Variants in WDPCP observed in about 807,000 individuals in gnomAD.
The protein encoded by WDPCP is WD repeat containing planar cell polarity effector, also known as WD repeat-containing and planar cell polarity effector protein fritz homolog.
WDPCP carries 71 observed loss-of-function variants against 93.1 expected under a neutral mutation model. The observed-to-expected ratio is 0.76, with a 90% CI of 0.63 to 0.93. WDPCP has a LOEUF of 0.93. WDPCP is among the 40% of genes least tolerant of loss of function. The pLI is 0.00. For synonymous variants in WDPCP, 315 were observed against 315.0 expected (o/e 1.00, Z 0.00); for missense variants, 844 against 887.4 (o/e 0.95, Z 0.62).
At chr2:63,263,089 T>C (rs1681784356) in intron 13 of WDPCP, among the ~76,000 whole-genome samples, 1 of 152,244 alleles carries the variant, frequency 6.6e-6, no homozygotes, top group Non-Finnish European at 1.5e-5. Context: ...AGTATATCTC[T>C]ATAATTCCAT....
At chr2:63,501,215 ACTAT>A (rs954248326) in intron 1 of WDPCP, among the ~76,000 whole-genome samples, 14 of 152,366 alleles carry the variant, frequency 9.2e-5, no homozygotes, top group African/African-American at 2.9e-4. Context: ...TGTTCAAAAT[ACTAT>A]CTAAGTCCCT....
chr2:63,682,551 T>C (rs1668726511), intron 2 of WDPCP, among the ~76,000 whole-genome samples: 2 of 151,706 alleles, frequency 1.3e-5, no homozygotes, highest in South Asian at 4.2e-4. Flanking sequence ...GTAAATAGTC[T>C]CAAAAGGGAA....
intron 2 of WDPCP, among the ~76,000 whole-genome samples, chr2:63,651,019 T>C (rs145759750): frequency 0.014 from 2,142 of 152,234 alleles, 28 homozygotes; most frequent in Middle Eastern, 0.02. Flanking sequence ...CTCCCTCGAA[T>C]ACAAAGAGAC....
chr2:63,437,391 TA>T, intron 8 of WDPCP, 29 bp downstream of exon 8: 1 of 1,521,094 alleles, frequency 6.6e-7, no homozygotes, highest in Non-Finnish European at 9.0e-7. Context: ...TAATAATTAA[TA>T]ATATGACTAT....
chr2:63,803,408 G>T (rs1670721636), intron 2 of WDPCP, among the ~76,000 whole-genome samples: 1 of 152,094 alleles, frequency 6.6e-6, no homozygotes, highest in African/African-American at 2.4e-5. Flanking sequence ...ATATAAACCA[G>T]AAAAGTACCA....
intron 1 of WDPCP, among the ~76,000 whole-genome samples, chr2:63,501,356 G>A (rs1057063658): frequency 6.6e-6 from 1 of 152,112 alleles, no homozygotes; most frequent in Non-Finnish European, 1.5e-5. Flanking sequence ...TCTAAGTCAG[G>A]AGTTCAAGAT....
intron 2 of WDPCP, among the ~76,000 whole-genome samples, chr2:63,784,233 A>T (rs1022587025): frequency 1.3e-5 from 2 of 152,154 alleles, no homozygotes; most frequent in African/African-American, 4.8e-5. Context: ...TACTCTGAGC[A>T]GCCAGTATCA....
intron 12 of WDPCP, among the ~76,000 whole-genome samples, chr2:63,336,491 T>A (rs1200185872): frequency 2.0e-5 from 3 of 152,208 alleles, no homozygotes; most frequent in Non-Finnish European, 4.4e-5. Flanking sequence ...GGGTTTTCCA[T>A]AAATGGCCTT....
At chr2:63,759,652 C>A (rs1329129041) in intron 2 of WDPCP, among the ~76,000 whole-genome samples, 1 of 152,194 alleles carries the variant, frequency 6.6e-6, no homozygotes, top group Admixed American at 6.5e-5. Context: ...CAGCCAGGGG[C>A]CCCTGCCCCA....
At chr2:63,222,805 T>C (rs1267214217) in intron 14 of WDPCP, among the ~76,000 whole-genome samples, 1 of 152,198 alleles carries the variant, frequency 6.6e-6, no homozygotes, top group Non-Finnish European at 1.5e-5. Context: ...ACTTATAAAT[T>C]ATTTTCCATT....
At chr2:63,266,761 ACT>A (rs1682159864) in intron 13 of WDPCP, among the ~76,000 whole-genome samples, 1 of 151,936 alleles carries the variant, frequency 6.6e-6, no homozygotes. Flanking sequence ...AGTCAAGATC[ACT>A]CCACTGCACT....
Position 63,726,964 on chromosome 2 carries a change from C to A in WDPCP, n.309-76126G>T, listed in dbSNP as rs546428363. ...GTCTGGGCAGAAACTATGGCATTTT[C>A]TAGGTACAGAAGCATACTGTCTGCA... On this transcript the variant is annotated intron_variant and non_coding_transcript_variant, in intron 2 of 4. Transcript: ENST00000467687. Among the ~76,000 whole-genome samples the A allele has an allele frequency of 3.5e-4, 53 of 152,238 alleles. 1 individual carries two copies. The highest frequency in any genetic ancestry group is 1.2e-3 in the African/African-American group (50 of 41,512).
chr2:63,222,544 TA>T (rs1254682176), intron 14 of WDPCP, among the ~76,000 whole-genome samples: 4 of 152,172 alleles, frequency 2.6e-5, no homozygotes, highest in African/African-American at 9.6e-5. Flanking sequence ...AGAAGACCTA[TA>T]GGAAGCAGTA....
intron 6 of WDPCP, chr2:63,442,201 G>A (rs1243935482): frequency 6.6e-6 from 1 of 152,122 alleles, no homozygotes; most frequent in Non-Finnish European, 1.5e-5. Flanking sequence ...ATCAATATTG[G>A]CTACTTGTTA....
chr2:63,188,116 A>C (rs912867070), intron 14 of WDPCP, among the ~76,000 whole-genome samples: 1 of 152,084 alleles, frequency 6.6e-6, no homozygotes, highest in African/African-American at 2.4e-5. Context: ...TGGTTTCAAG[A>C]TTCTTCCTTT....
At chr2:63,619,962 T>C (rs1349155819) in intron 3 of WDPCP, among the ~76,000 whole-genome samples, 1 of 152,172 alleles carries the variant, frequency 6.6e-6, no homozygotes, top group Non-Finnish European at 1.5e-5. Flanking sequence ...CGTGAGGGAC[T>C]GTGCCATGAA....
At position 63,358,004 on chromosome 2, in the gene WDPCP, T is replaced by C. The variant is rs1575217795; in HGVS notation, c.1748+20382A>G. 3.9e-5 allele frequency among the ~76,000 whole-genome samples: 6 copies of C among 152,212 alleles called. 1 individual carries two copies. The South Asian group carries it at 1.2e-3, about 32-fold the overall frequency. On this transcript the variant is annotated intron_variant, in intron 12 of 17. Coordinates refer to ENST00000272321, the MANE Select transcript of WDPCP (RefSeq NM_015910.7). ...TATTATCCTTAGCAAACTAACATAG[T>C]AACAGAAAATCAAATACTGCATGTT... is the stretch of plus-strand genomic sequence containing the variant.
intron 1 of WDPCP, among the ~76,000 whole-genome samples, chr2:63,522,695 C>A (rs983400436): frequency 6.6e-6 from 1 of 152,238 alleles, no homozygotes; most frequent in Admixed American, 6.5e-5. Context: ...TCTATGAACA[C>A]AGCTAGGAAA....
intron 13 of WDPCP, among the ~76,000 whole-genome samples, chr2:63,275,032 C>T (rs1682973621): frequency 6.6e-6 from 1 of 152,046 alleles, no homozygotes; most frequent in Non-Finnish European, 1.5e-5. Context: ...GGCCAATATA[C>T]CTGATGAACA....
Sources: allele counts gnomAD v4.1 joint callset (sites outside exome capture counted in the v4.1 genomes callset), GRCh38; gene constraint gnomAD v4.1.1; transcripts MANE v1.5; gene names NCBI Gene and HGNC (gene_info 2026-07-23, HGNC 2026-07-21).